The following L3MBTL4 variants were observed in gnomAD, a reference collection of about 807,000 sequenced individuals.
The protein encoded by L3MBTL4 is L3MBTL histone methyl-lysine binding protein 4.
A neutral mutation model predicts 84.5 loss-of-function variants in L3MBTL4; 70 were observed. The observed-to-expected ratio is 0.83, with a 90% CI of 0.68 to 1.01. L3MBTL4 has a LOEUF of 1.01. Ranked by LOEUF, L3MBTL4 falls within the 50% of genes least tolerant of loss-of-function variation. The pLI is 0.00. For synonymous variants in L3MBTL4, 274 were observed against 259.8 expected, an observed-to-expected ratio of 1.05 and a Z score of -0.52; for missense variants, 715 against 754.8, an observed-to-expected ratio of 0.95 and a Z score of 0.62.
At chr18:5,991,939 G>C (rs2053717305) in intron 16 of L3MBTL4, among the ~76,000 whole-genome samples, 1 of 151,650 alleles carries the variant, frequency 6.6e-6, no homozygotes, top group South Asian at 2.1e-4. Context: ...AACCTCTATT[G>C]TGTAGCCCTG....
chr18:6,391,033 A>C (rs1383562013), intron 1 of L3MBTL4, among the ~76,000 whole-genome samples: 2 of 152,022 alleles, frequency 1.3e-5, no homozygotes, highest in East Asian at 1.9e-4. Context: ...AACAAAAAAA[A>C]ACAAAAGTCT....
At chr18:6,333,526 G>T (rs1424549018) in intron 1 of L3MBTL4, among the ~76,000 whole-genome samples, 1 of 148,792 alleles carries the variant, frequency 6.7e-6, no homozygotes, top group East Asian at 2.0e-4. Flanking sequence ...AGTGAGCCAA[G>T]ATCGCGCCAC....
intron 6 of L3MBTL4, among the ~76,000 whole-genome samples, chr18:6,243,630 A>G (rs1265332533): frequency 1.3e-5 from 2 of 152,242 alleles, no homozygotes; most frequent in African/African-American, 4.8e-5. Context: ...TCTTACAGGT[A>G]TCTAGTGCAT....
chr18:6,081,486 A>G (rs527961152), intron 15 of L3MBTL4, among the ~76,000 whole-genome samples: 4 of 152,308 alleles, frequency 2.6e-5, no homozygotes, highest in Admixed American at 2.6e-4. Flanking sequence ...TGAGGCTCAT[A>G]CTTTATAATG....
intron 1 of L3MBTL4, among the ~76,000 whole-genome samples, chr18:6,313,243 C>T (rs961358107): frequency 2.0e-5 from 3 of 152,178 alleles, no homozygotes; most frequent in Non-Finnish European, 4.4e-5. Flanking sequence ...TTGACTCCAA[C>T]TACATAAACA....
At chr18:6,208,266 T>C (rs1043228255) in intron 12 of L3MBTL4, among the ~76,000 whole-genome samples, 1 of 152,242 alleles carries the variant, frequency 6.6e-6, no homozygotes, top group African/African-American at 2.4e-5. Flanking sequence ...TTTGCATTAA[T>C]ACTCCTGCAG....
At chr18:6,299,917 C>T (rs2050261574) in intron 4 of L3MBTL4, among the ~76,000 whole-genome samples, 1 of 152,156 alleles carries the variant, frequency 6.6e-6, no homozygotes, top group Admixed American at 6.5e-5. Flanking sequence ...AGAGATCCAC[C>T]CGCCTTGGTC....
At chr18:6,022,879 C>T (rs942814818) in intron 16 of L3MBTL4, among the ~76,000 whole-genome samples, 8 of 152,204 alleles carry the variant, frequency 5.3e-5, no homozygotes, top group Non-Finnish European at 1.2e-4. Context: ...GCTGTTAGTC[C>T]TCAGGCAGTG....
At chr18:6,113,480 A>AC (rs2059260816) in intron 14 of L3MBTL4, among the ~76,000 whole-genome samples, 3 of 151,278 alleles carry the variant, frequency 2.0e-5, no homozygotes, top group African/African-American at 7.3e-5. Context: ...AAAAAAAAAA[A>AC]AAAGCAAATA....
intron 16 of L3MBTL4, among the ~76,000 whole-genome samples, chr18:6,021,001 C>A (rs2055224662): frequency 6.6e-6 from 1 of 152,030 alleles, no homozygotes; most frequent in African/African-American, 2.4e-5. Context: ...AAAGAGGAGG[C>A]AGCAAAGGAA....
At chr18:6,175,902 A>C (rs1013432362) in intron 12 of L3MBTL4, among the ~76,000 whole-genome samples, 4 of 152,176 alleles carry the variant, frequency 2.6e-5, no homozygotes, top group Non-Finnish European at 5.9e-5. Context: ...AATTCTATTA[A>C]TATATACTGG....
At chr18:6,244,727 C>G (rs2047587042) in intron 5 of L3MBTL4, 139 bp from the exon 6 acceptor site, 1 of 637,708 alleles carries the variant, frequency 1.6e-6, no homozygotes, top group Non-Finnish European at 2.8e-6. Flanking sequence ...CTACCAGAGG[C>G]TGGAAGTTGA....
At chr18:6,048,452 T>C (rs1024188006) in intron 16 of L3MBTL4, among the ~76,000 whole-genome samples, 2 of 152,136 alleles carry the variant, frequency 1.3e-5, no homozygotes, top group African/African-American at 4.8e-5. Flanking sequence ...AGAACAAAAC[T>C]GGAGGCATCA....
chr18:6,047,226 C>A (rs562574128), intron 16 of L3MBTL4, among the ~76,000 whole-genome samples: 1 of 152,194 alleles, frequency 6.6e-6, no homozygotes, highest in East Asian at 1.9e-4. Context: ...AGCAGACCAA[C>A]ATCTAGTCCC....
At chr18:6,289,932 T>C (rs939817316) in intron 4 of L3MBTL4, among the ~76,000 whole-genome samples, 2 of 152,198 alleles carry the variant, frequency 1.3e-5, no homozygotes, top group South Asian at 2.1e-4. Context: ...TTTTTTGTTT[T>C]TGTTTGTTTG....
intron 12 of L3MBTL4, among the ~76,000 whole-genome samples, chr18:6,177,159 G>T (rs2044259963): frequency 6.6e-6 from 1 of 152,196 alleles, no homozygotes; most frequent in Non-Finnish European, 1.5e-5. Context: ...ATATAAAGTT[G>T]TGTAAACAAA....
chr18:6,132,264 A>G (rs1409286240), intron 14 of L3MBTL4, among the ~76,000 whole-genome samples: 1 of 152,190 alleles, frequency 6.6e-6, no homozygotes, highest in Non-Finnish European at 1.5e-5. Context: ...TATAAAACGC[A>G]AGGTCGAGAA....
intron 16 of L3MBTL4, among the ~76,000 whole-genome samples, chr18:6,071,753 G>A (rs967654986): frequency 0.071 from 4,284 of 60,482 alleles, 105 homozygotes; most frequent in African/African-American, 0.11. Flanking sequence ...AGGAAAGAAA[G>A]AAAGAAAAAA....
chr18:6,312,414 A>C (rs2050880719), intron 1 of L3MBTL4, among the ~76,000 whole-genome samples: 1 of 152,172 alleles, frequency 6.6e-6, no homozygotes, highest in Admixed American at 6.5e-5. Flanking sequence ...ACATATTTGC[A>C]ACTGAGCTCA....
Sources: allele counts gnomAD v4.1 joint callset (sites outside exome capture counted in the v4.1 genomes callset), GRCh38; gene constraint gnomAD v4.1.1; transcripts MANE v1.5; gene names NCBI Gene and HGNC (gene_info 2026-07-23, HGNC 2026-07-21).